The following RGS6 variants were observed in gnomAD, a reference collection of about 807,000 sequenced individuals.
RGS6 encodes regulator of G-protein signaling 6.
Under a neutral mutation model 78.5 loss-of-function variants are expected in RGS6, and 30 were observed. That is an observed-to-expected ratio of 0.38 (90% CI 0.29 to 0.52). RGS6 has a LOEUF of 0.52. Among genes scored for constraint, RGS6 ranks in the 20% least tolerant of loss-of-function variants. The pLI, the probability that RGS6 is intolerant of heterozygous loss-of-function variation, is 0.85. For missense variants in RGS6, 495 were observed against 609.7 expected, an observed-to-expected ratio of 0.81 and a Z score of 1.98; for synonymous variants, 206 against 206.0, an observed-to-expected ratio of 1.00 and a Z score of 0.00.
At chr14:72,179,440 A>G (rs2097146375) in intron 2 of RGS6, among the ~76,000 whole-genome samples, 1 of 152,314 alleles carries the variant, frequency 6.6e-6, no homozygotes, top group East Asian at 1.9e-4. Flanking sequence ...TGTTTATTAA[A>G]CTAACAGATA....
At chr14:71,937,708 A>G (rs1221941357) in intron 1 of RGS6, among the ~76,000 whole-genome samples, 1 of 152,216 alleles carries the variant, frequency 6.6e-6, no homozygotes, top group African/African-American at 2.4e-5. Flanking sequence ...GATGGTGGAT[A>G]AGGCATTCCG....
intron 17 of RGS6, chr14:72,547,373 ACC>A: frequency 3.4e-6 from 4 of 1,193,402 alleles, no homozygotes; most frequent in South Asian, 1.4e-5. Context: ...AAGAAGTAAG[ACC>A]CCCCCCCGAC....
chr14:71,872,445 C>T, the RGS6 span, among the ~76,000 whole-genome samples: 1 of 152,128 alleles, frequency 6.6e-6, no homozygotes, highest in Admixed American at 6.6e-5. Flanking sequence ...GGAACTTAAC[C>T]CGGATTGAGA....
chr14:72,065,418 T>C (rs1047015320), intron 2 of RGS6, among the ~76,000 whole-genome samples: 9 of 152,224 alleles, frequency 5.9e-5, no homozygotes, highest in Non-Finnish European at 1.0e-4. Context: ...CATTGATTTA[T>C]GTTTTGGGGT....
intron 2 of RGS6, among the ~76,000 whole-genome samples, chr14:72,107,508 G>A (rs2095658267): frequency 6.6e-6 from 1 of 151,890 alleles, no homozygotes; most frequent in Non-Finnish European, 1.5e-5. Flanking sequence ...CTTTTTGATA[G>A]GAAAAAAATG....
At chr14:72,161,618 A>G (rs1567346624) in intron 2 of RGS6, among the ~76,000 whole-genome samples, 1 of 152,164 alleles carries the variant, frequency 6.6e-6, no homozygotes, top group East Asian at 1.9e-4. Flanking sequence ...CAAAACAGAC[A>G]CTGTGGTGAG....
At chr14:71,917,270 C>A in the RGS6 span, among the ~76,000 whole-genome samples, 1 of 152,094 alleles carries the variant, frequency 6.6e-6, no homozygotes, top group Non-Finnish European at 1.5e-5. Context: ...TATGGGTCAC[C>A]ATATCAGAGC....
intron 2 of RGS6, among the ~76,000 whole-genome samples, chr14:72,279,698 G>T (rs2061269180): frequency 6.6e-6 from 1 of 152,084 alleles, no homozygotes. Context: ...AAAGGACAGT[G>T]GTGTAAATAA....
chr14:72,589,405 C>T, the RGS6 span, among the ~76,000 whole-genome samples: 20 of 152,286 alleles, frequency 1.3e-4, no homozygotes, highest in African/African-American at 4.6e-4. Flanking sequence ...CAAATATTAG[C>T]TAAGCATGGT....
intron 2 of RGS6, among the ~76,000 whole-genome samples, chr14:72,083,365 G>A (rs1001718251): frequency 6.6e-6 from 1 of 152,180 alleles, no homozygotes; most frequent in Admixed American, 6.5e-5. Context: ...AGAGGCCACA[G>A]ACACTGCTAA....
chr14:71,971,840 T>G (rs1255411058), intron 2 of RGS6, among the ~76,000 whole-genome samples: 1 of 151,612 alleles, frequency 6.6e-6, no homozygotes, highest in Non-Finnish European at 1.5e-5. Context: ...GTTGGCTGTT[T>G]GCCAGAGGCC....
chr14:72,490,914 G>A (rs1023264530), intron 12 of RGS6, among the ~76,000 whole-genome samples: 5 of 152,170 alleles, frequency 3.3e-5, no homozygotes, highest in African/African-American at 1.2e-4. Context: ...TCACCTGGGG[G>A]ATCCTATTAA....
the RGS6 span, chr14:72,619,464 A>C: frequency 1.4e-6 from 2 of 1,382,914 alleles, no homozygotes; most frequent in Non-Finnish European, 2.0e-6. Context: ...TTTCCTTTGA[A>C]CTTTGGCAAT....
chr14:72,128,865 G>A (rs1315812016), intron 2 of RGS6, among the ~76,000 whole-genome samples: 1 of 152,150 alleles, frequency 6.6e-6, no homozygotes, highest in Non-Finnish European at 1.5e-5. Flanking sequence ...GACACACAGC[G>A]ACCAGCCTAT....
rs569187967 is a variant in RGS6, at chr14:72,475,274, T to A, written c.693+575T>A. Among the ~76,000 whole-genome samples the A allele has an allele frequency of 5.6e-5, 8 of 142,282 alleles. No individual in the cohort carries two copies. The East Asian group carries it at 1.7e-3, about 30-fold the overall frequency. 93.3% of individuals were successfully genotyped at this position (142,282 alleles called of 152,430 possible). A position where few individuals can be genotyped will look rare whatever the true frequency, so the allele number is the denominator to read the frequency against. ...AACCACCATCTTGTCCAACTGTGAATGACCCAGTGGTCACTTGTGTTTCAC... is the reference window on the plus strand; with the variant it reads ...AACCACCATCTTGTCCAACTGTGAAAGACCCAGTGGTCACTTGTGTTTCAC... On this transcript the variant is annotated intron_variant, in intron 10 of 17. Coordinates refer to ENST00000553525, the MANE Select transcript of RGS6 (RefSeq NM_001204424.2).
intron 12 of RGS6, among the ~76,000 whole-genome samples, chr14:72,483,658 T>C (rs2096427790): frequency 6.6e-6 from 1 of 152,032 alleles, no homozygotes. Flanking sequence ...TTTTATGGGA[T>C]TTCAGAAACC....
intron 3 of RGS6, among the ~76,000 whole-genome samples, chr14:72,363,380 A>G (rs1213375796): frequency 2.6e-5 from 4 of 152,254 alleles, no homozygotes; most frequent in African/African-American, 9.6e-5. Flanking sequence ...ATGGCTGTAC[A>G]GCCACGCATC....
intron 2 of RGS6, among the ~76,000 whole-genome samples, chr14:72,219,968 T>C (rs2046471987): frequency 7.3e-6 from 1 of 136,876 alleles, no homozygotes; most frequent in Admixed American, 7.7e-5. Context: ...GATAGTACGA[T>C]TCTCTGCCTG....
chr14:72,479,858 C>A (rs564895024), intron 12 of RGS6, among the ~76,000 whole-genome samples: 2 of 152,318 alleles, frequency 1.3e-5, no homozygotes, highest in South Asian at 4.1e-4. Context: ...GCTTCTTTCT[C>A]TGTGAACTAG....
Sources: gnomAD v4.1 joint callset for allele counts (sites outside exome capture counted in the v4.1 genomes callset) on GRCh38, gnomAD v4.1.1 for gene constraint, MANE v1.5 for transcripts, NCBI Gene and HGNC (gene_info 2026-07-23, HGNC 2026-07-21) for gene names.